Variants in SGIP1 observed in about 807,000 individuals in gnomAD.
The protein encoded by SGIP1 is SH3-containing GRB2-like protein 3-interacting protein 1.
SGIP1 carries 38 observed loss-of-function variants against 107.5 expected under a neutral mutation model. That is an observed-to-expected ratio of 0.35 (90% CI 0.27 to 0.46). SGIP1 has a LOEUF of 0.46. Among genes scored for constraint, SGIP1 ranks in the 20% least tolerant of loss-of-function variants. The pLI is 1.00. For missense variants in SGIP1, 929 were observed against 1,019.5 expected, an observed-to-expected ratio of 0.91 and a Z score of 1.21; for synonymous variants, 365 against 366.1, an observed-to-expected ratio of 1.00 and a Z score of 0.03.
At chr1:66,660,042 A>AAGGAAGGAAG (rs1557499108) in intron 7 of SGIP1, 4 of 101,032 alleles carry the variant, frequency 4.0e-5, no homozygotes, top group African/African-American at 2.6e-4. Flanking sequence ...AAGGAAGGAA[A>AAGGAAGGAAG]GAAAGAAAGA....
chr1:66,583,666 C>A (rs1341813249), intron 1 of SGIP1, among the ~76,000 whole-genome samples: 1 of 152,120 alleles, frequency 6.6e-6, no homozygotes, highest in Non-Finnish European at 1.5e-5. Context: ...CCTTCCTATT[C>A]CCCATTTATT....
intron 1 of SGIP1, among the ~76,000 whole-genome samples, chr1:66,558,445 C>T (rs2058484326): frequency 6.6e-6 from 1 of 151,858 alleles, no homozygotes; most frequent in South Asian, 2.1e-4. Flanking sequence ...GCCCATCTAG[C>T]ACAGTGAGTA....
At chr1:66,594,038 A>T (rs1252784973) in intron 1 of SGIP1, among the ~76,000 whole-genome samples, 1 of 152,296 alleles carries the variant, frequency 6.6e-6, no homozygotes, top group African/African-American at 2.4e-5. Flanking sequence ...CAATAACAAG[A>T]GTGTGTTTTT....
intron 1 of SGIP1, among the ~76,000 whole-genome samples, chr1:66,577,388 T>G (rs1259866335): frequency 6.6e-6 from 1 of 152,188 alleles, no homozygotes; most frequent in African/African-American, 2.4e-5. Context: ...CTGAACAATT[T>G]CTTTTAATTT....
chr1:66,636,486 G>A (rs959178903), intron 4 of SGIP1, among the ~76,000 whole-genome samples: 1 of 152,162 alleles, frequency 6.6e-6, no homozygotes, highest in African/African-American at 2.4e-5. Context: ...AAACTCTGTA[G>A]TACCTATAGC....
chr1:66,728,107 T>A (rs1014972368), intron 19 of SGIP1, among the ~76,000 whole-genome samples: 1 of 152,186 alleles, frequency 6.6e-6, no homozygotes, highest in Non-Finnish European at 1.5e-5. Flanking sequence ...CTTATATGAC[T>A]GAGTTTACAA....
intron 7 of SGIP1, among the ~76,000 whole-genome samples, chr1:66,648,346 A>T (rs1046462454): frequency 6.6e-6 from 1 of 152,028 alleles, no homozygotes; most frequent in Non-Finnish European, 1.5e-5. Flanking sequence ...TGTTCTTGAC[A>T]TAAGGCCTAG....
chr1:66,545,643 T>TGC (rs945769077), intron 1 of SGIP1, among the ~76,000 whole-genome samples: 18 of 151,128 alleles, frequency 1.2e-4, no homozygotes, highest in East Asian at 7.8e-4. Flanking sequence ...TGTGTGTGTG[T>TGC]GTGTGTGTGT....
chr1:66,574,753 T>A (rs1210006066), intron 1 of SGIP1, among the ~76,000 whole-genome samples: 1 of 152,184 alleles, frequency 6.6e-6, no homozygotes, highest in Non-Finnish European at 1.5e-5. Flanking sequence ...TGCTTGAATG[T>A]AGAGTAAAAT....
At chr1:66,684,938 T>A (rs2087817601) in intron 15 of SGIP1, among the ~76,000 whole-genome samples, 1 of 152,238 alleles carries the variant, frequency 6.6e-6, no homozygotes, top group Admixed American at 6.5e-5. Context: ...AAAGATTGGA[T>A]TTCTACGTAG....
intron 1 of SGIP1, among the ~76,000 whole-genome samples, chr1:66,609,081 T>G (rs751732640): frequency 6.7e-6 from 1 of 150,278 alleles, no homozygotes; most frequent in Non-Finnish European, 1.5e-5. Flanking sequence ...CTTGGAGCCC[T>G]CTTCTCAGTA....
At chr1:66,571,047 A>G (rs890398969) in intron 1 of SGIP1, among the ~76,000 whole-genome samples, 1 of 151,996 alleles carries the variant, frequency 6.6e-6, no homozygotes, top group Non-Finnish European at 1.5e-5. Context: ...GTGCCTCCCA[A>G]TGGGATGCAA....
At chr1:66,577,695 T>G (rs753011402) in intron 1 of SGIP1, among the ~76,000 whole-genome samples, 5 of 151,938 alleles carry the variant, frequency 3.3e-5, no homozygotes, top group Non-Finnish European at 7.4e-5. Context: ...AGTGCTCAAA[T>G]GGTTAATAAT....
chr1:66,689,085 C>A, intron 15 of SGIP1, 63 bp from the exon 16 acceptor site: 3 of 1,500,492 alleles, frequency 2.0e-6, no homozygotes, highest in South Asian at 2.6e-5. Context: ...TGGCATTATA[C>A]TGTGATAACA....
rs2094151710 is a variant in SGIP1 at position 66,734,588 on chromosome 1, T to C, written c.2031+708T>C. 2.0e-5 allele frequency among the ~76,000 whole-genome samples: 3 copies of C among 151,510 alleles called. No homozygotes were observed. The South Asian group carries it at 6.3e-4, about 32-fold the overall frequency. On this transcript the variant is annotated intron_variant, in intron 21 of 24. Transcript: ENST00000371037. ...GGCACAATCTTGGCTCACTGCAATG[T>C]CCACCTCCTGTGTTCAAGCGATTCT...
chr1:66,606,042 A>T (rs2066775218), intron 1 of SGIP1, among the ~76,000 whole-genome samples: 1 of 152,212 alleles, frequency 6.6e-6, no homozygotes, highest in South Asian at 2.1e-4. Flanking sequence ...TTAGACATAG[A>T]TAATTTCAAA....
Position 66,745,578 on chromosome 1 carries a change from A to G in SGIP1, c.*2483A>G, listed in dbSNP as rs998085740. ...AGGCAATGAAAGAGTCTCAGTTATC[A>G]AAGACATTAAGTCAGATTCATTTAT... is the stretch of plus-strand genomic sequence containing the variant. On this transcript the variant is annotated 3_prime_UTR_variant, in exon 25 of 25. Coordinates refer to ENST00000371037, the MANE Select transcript of SGIP1 (RefSeq NM_032291.4). The G allele has an allele frequency of 2.0e-5, 3 of 152,136 alleles. No individual in the cohort carries two copies. The highest frequency in any genetic ancestry group is 7.2e-5 in the African/African-American group (3 of 41,452). 9.4% of individuals were successfully genotyped at this position (152,136 alleles called of 1,614,324 possible). A position where few individuals can be genotyped will look rare whatever the true frequency, so the allele number is the denominator to read the frequency against.
chr1:66,563,210 G>A (rs975995581), intron 1 of SGIP1, among the ~76,000 whole-genome samples: 4 of 151,980 alleles, frequency 2.6e-5, no homozygotes, highest in African/African-American at 9.7e-5. Flanking sequence ...TAAACCTTGG[G>A]ATAATAGGGG....
At chr1:66,639,124 G>A (rs1045488414) in intron 4 of SGIP1, among the ~76,000 whole-genome samples, 12 of 152,134 alleles carry the variant, frequency 7.9e-5, no homozygotes, top group African/African-American at 1.2e-4. Context: ...GCAATGATGC[G>A]TGCTCATGGA....
Sources: gnomAD v4.1 joint callset for allele counts (sites outside exome capture counted in the v4.1 genomes callset) on GRCh38, gnomAD v4.1.1 for gene constraint, MANE v1.5 for transcripts, NCBI Gene and HGNC (gene_info 2026-07-23, HGNC 2026-07-21) for gene names.